SLC25A10: variants seen among roughly 807,000 people sequenced by gnomAD.
The protein encoded by SLC25A10 is mitochondrial dicarboxylate carrier.
In SLC25A10, 32 loss-of-function variants were observed where a neutral mutation model predicts 40.4. The ratio of observed to expected loss-of-function variants is 0.79; its 90% CI spans 0.60 to 1.06. The LOEUF (loss-of-function observed/expected upper bound fraction) is 1.06, where lower values mean the gene tolerates loss of function less well. Among genes scored for constraint, SLC25A10 ranks in the 50% least tolerant of loss-of-function variants. The pLI is 0.00. For missense variants in SLC25A10, 394 were observed against 402.6 expected, an observed-to-expected ratio of 0.98 and a Z score of 0.18; for synonymous variants, 181 against 171.1, an observed-to-expected ratio of 1.06 and a Z score of -0.45.
rs888786824 is a variant in SLC25A10 at position 81,712,319 on chromosome 17, G to T, written c.-108G>T. On this transcript the variant is annotated 5_prime_UTR_variant, in exon 1 of 11. Transcript: ENST00000350690. ...TGCGGGGTGCGGGCGCGCGGGCGGC[G>T]CTTTGAACCGGGCGCGGGGCGCGGG... 3 of 734,998 alleles carry T rather than the reference G, an allele frequency of 4.1e-6. No individual in the cohort carries two copies. Among genetic ancestry groups the T allele is most frequent in the South Asian group, 1.3e-4 (2 of 15,556 alleles). 45.5% of individuals were successfully genotyped at this position (734,998 alleles called of 1,614,324 possible).
Position 81,719,838 on chromosome 17 carries a change from TC to T in SLC25A10, c.715del (p.His239ThrfsTer101). The T allele has an allele frequency of 6.2e-7, 1 of 1,613,340 alleles. No individual in the cohort carries two copies. The highest frequency in any genetic ancestry group is 8.5e-7 in the Non-Finnish European group (1 of 1,179,920). On this transcript the variant is annotated frameshift_variant, in exon 10 of 11. Transcript: ENST00000350690. LOFTEE classifies it high-confidence loss of function. Reference protein sequence around the residue: ...MNSKGEYQGVFHCAVETAKLG... With the variant: ...MNSKGEYQGVXHCAVETAKLG... ...TCACTGCGTTTTCTGCAGGGCGTTT[TC>T]CACTGCGCCGTGGAGACAGCGAAGC... is the stretch of plus-strand genomic sequence containing the variant.
Position 81,712,340 on chromosome 17 carries a change from G to A in SLC25A10, c.-87G>A, listed in dbSNP as rs1403427909. 6 of 915,930 alleles carry A rather than the reference G, an allele frequency of 6.6e-6. No individual in the cohort carries two copies. Among genetic ancestry groups the A allele is most frequent in the Non-Finnish European group, 8.4e-6 (6 of 715,146 alleles). The allele number at this position is 915,930 out of a possible 1,614,324, so 56.7% of individuals were successfully genotyped here. On this transcript the variant is annotated 5_prime_UTR_variant, in exon 1 of 11. Coordinates refer to ENST00000350690, the MANE Select transcript of SLC25A10 (RefSeq NM_012140.5). ...CGGCGCTTTGAACCGGGCGCGGGGC[G>A]CGGGGCGCGGGGCGCTGCGGCCGGT...
At chr17:81,714,441 C>T (rs1371990545) in intron 1 of SLC25A10, among the ~76,000 whole-genome samples, 2 of 152,234 alleles carry the variant, frequency 1.3e-5, no homozygotes, top group East Asian at 3.8e-4. Flanking sequence ...CCACACCGTC[C>T]CCTTGTCTGC....
At chr17:81,717,668 G>T in intron 8 of SLC25A10, 116 bp from the exon 9 acceptor site, 1 of 1,356,422 alleles carries the variant, frequency 7.4e-7, no homozygotes, top group Non-Finnish European at 1.0e-6. Context: ...TGGTGCCCCC[G>T]CCAGCATGTT....
intron 6 of SLC25A10, 72 bp downstream of exon 6, chr17:81,716,927 G>C: frequency 6.2e-7 from 1 of 1,604,900 alleles, no homozygotes; most frequent in Non-Finnish European, 8.5e-7. Context: ...TAGAAGACTG[G>C]GCGCTGAGGG....
Position 81,712,504 on chromosome 17 carries a change from G to T in SLC25A10, c.78G>T (p.Pro26=), listed in dbSNP as rs896469298. 4 of 1,287,976 alleles carry T rather than the reference G, an allele frequency of 3.1e-6. No individual in the cohort carries two copies. Among genetic ancestry groups the T allele is most frequent in the African/African-American group, 3.1e-5 (2 of 64,670 alleles). The allele number at this position is 1,287,976 out of a possible 1,614,324, so 79.8% of individuals were successfully genotyped here. A position where few individuals can be genotyped will look rare whatever the true frequency, so the allele number is the denominator to read the frequency against. The part of the protein sequence containing the change: ...ASCGAACCTH[P]LDLLKVHLQT... ...GCGGGGCCGCCTGCTGCACGCACCC[G>T]CTGGACCTGCTCAAGGTGAGGCCGG... The change falls in exon 1 of 11, where the codon CCG becomes CCT. Residue 26 remains proline (P), a synonymous_variant. Coordinates refer to ENST00000350690, the MANE Select transcript of SLC25A10 (RefSeq NM_012140.5).
chr17:81,715,417 G>T, intron 2 of SLC25A10, 61 bp from the exon 3 acceptor site: 1 of 1,433,462 alleles, frequency 7.0e-7, no homozygotes, highest in African/African-American at 1.4e-5. Flanking sequence ...GCTGGGCCGG[G>T]TGGCGAGGCT....
Position 81,716,807 on chromosome 17 carries a change from G to A in SLC25A10, c.420-5G>A, listed in dbSNP as rs751255302. ...TCTCATGTGGTCATTCTGTGTCCCC[G>A]GCAGCTACGCCCATGCGCTGGATGG... is the stretch of plus-strand genomic sequence containing the variant. On this transcript the variant is annotated splice_region_variant and splice_polypyrimidine_tract_variant and intron_variant, in intron 5 of 10. Coordinates refer to ENST00000350690, the MANE Select transcript of SLC25A10 (RefSeq NM_012140.5). 20 of 1,606,118 alleles carry A rather than the reference G, an allele frequency of 1.2e-5. No homozygotes were observed. Among genetic ancestry groups the A allele is most frequent in the South Asian group, 2.2e-5 (2 of 89,516 alleles).
rs538203818 is a variant in SLC25A10, at chr17:81,720,347, G to C, written c.*270G>C. Reference sequence around the variant, plus strand: ...CCCCTCTCCCGCTGGCAGCTCCTCAGGGGAACAGGGGCTACCAGAGGCTGA... The same window carrying C: ...CCCCTCTCCCGCTGGCAGCTCCTCACGGGAACAGGGGCTACCAGAGGCTGA... On this transcript the variant is annotated 3_prime_UTR_variant, in exon 11 of 11. Coordinates refer to ENST00000350690, the MANE Select transcript of SLC25A10 (RefSeq NM_012140.5). 74 of 1,421,046 alleles carry C rather than the reference G, an allele frequency of 5.2e-5. 1 individual carries two copies. The South Asian group carries it at 1.1e-3, about 20-fold the overall frequency. 88.0% of individuals were successfully genotyped at this position (1,421,046 alleles called of 1,614,324 possible).
At chr17:81,714,442 C>G (rs1225910748) in intron 1 of SLC25A10, among the ~76,000 whole-genome samples, 1 of 152,240 alleles carries the variant, frequency 6.6e-6, no homozygotes, top group Non-Finnish European at 1.5e-5. Flanking sequence ...CACACCGTCC[C>G]CTTGTCTGCT....
chr17:81,716,018 C>T lies in SLC25A10; in HGVS notation c.387C>T (p.Asn129=), dbSNP rs766399714. ...CCTGCTTCTGTTTCAGGATGCAGAA[C>T]GACGTGAAGCTGCCCCAGGGTCAGC... ...PADLVNVRMQ[N]DVKLPQGQRR... The change falls in exon 5 of 11, where the codon AAC becomes AAT. Residue 129 remains asparagine (N), a synonymous_variant. Coordinates refer to ENST00000350690, the MANE Select transcript of SLC25A10 (RefSeq NM_012140.5). The T allele has an allele frequency of 1.1e-5, 17 of 1,591,436 alleles. No homozygotes were observed. The highest frequency in any genetic ancestry group is 6.8e-5 in the East Asian group (3 of 43,944).
intron 8 of SLC25A10, 122 bp from the exon 9 acceptor site, chr17:81,717,662 G>T: frequency 1.5e-6 from 2 of 1,321,452 alleles, no homozygotes; most frequent in Non-Finnish European, 2.1e-6. Context: ...TCAGCCTGGT[G>T]CCCCCGCCAG....
chr17:81,712,378 A>AGGGCCGGGGTCGGGTTGTGGTC lies in SLC25A10; in HGVS notation c.-40_-19dup. The AGGGCCGGGGTCGGGTTGTGGTC allele has an allele frequency of 8.7e-7, 1 of 1,145,932 alleles. No individual in the cohort carries two copies. Among genetic ancestry groups the AGGGCCGGGGTCGGGTTGTGGTC allele is most frequent in the Non-Finnish European group, 1.1e-6 (1 of 910,338 alleles). The allele number at this position is 1,145,932 out of a possible 1,614,324, so 71.0% of individuals were successfully genotyped here. A position where few individuals can be genotyped will look rare whatever the true frequency, so the allele number is the denominator to read the frequency against. On this transcript the variant is annotated 5_prime_UTR_variant, in exon 1 of 11. Transcript: ENST00000350690. ...CGCTGCGGCCGGTACACGCCGGGGT[A>AGGGCCGGGGTCGGGTTGTGGTC]GGGCCGGGGTCGGGTTGTGGTCGGG...
intron 1 of SLC25A10, among the ~76,000 whole-genome samples, chr17:81,714,113 C>G (rs763314847): frequency 9.2e-5 from 14 of 152,250 alleles, no homozygotes; most frequent in Non-Finnish European, 1.9e-4. Flanking sequence ...TCTGTCCCCA[C>G]CCATCTTTGC....
chr17:81,718,288 A>G (rs1349183777), intron 9 of SLC25A10, among the ~76,000 whole-genome samples: 3 of 152,130 alleles, frequency 2.0e-5, no homozygotes, highest in Non-Finnish European at 2.9e-5. Context: ...GTTCAAGACC[A>G]GCCTGGCCAA....
chr17:81,717,520 G>A (rs377435510), intron 8 of SLC25A10, 29 bp downstream of exon 8: 22 of 1,610,642 alleles, frequency 1.4e-5, no homozygotes, highest in Admixed American at 3.3e-5. Context: ...TAGGGTGGGC[G>A]TCCCTGGGCC....
At chr17:81,717,114 C>A in intron 7 of SLC25A10, 42 bp downstream of exon 7, 1 of 1,579,426 alleles carries the variant, frequency 6.3e-7, no homozygotes, top group Non-Finnish European at 8.7e-7. Flanking sequence ...GTGCCTGTGA[C>A]CACTGACCTC....
Position 81,712,529 on chromosome 17 carries a change from G to A in SLC25A10, c.93+10G>A, listed in dbSNP as rs2037402828. 1.6e-6 allele frequency: 2 copies of A among 1,240,148 alleles called. No individual in the cohort carries two copies. Among genetic ancestry groups the A allele is most frequent in the African/African-American group, 3.1e-5 (2 of 64,036 alleles). 76.8% of individuals were successfully genotyped at this position (1,240,148 alleles called of 1,614,324 possible). On this transcript the variant is annotated intron_variant, in intron 1 of 10. Coordinates refer to ENST00000350690, the MANE Select transcript of SLC25A10 (RefSeq NM_012140.5). ...GCTGGACCTGCTCAAGGTGAGGCCG[G>A]GGCCCGGGACGCGGGGCGGATGGGA...
chr17:81,717,949 C>G (rs1379104914), intron 9 of SLC25A10, 88 bp downstream of exon 9: 2 of 996,492 alleles, frequency 2.0e-6, no homozygotes, highest in South Asian at 1.4e-5. Context: ...CACTGGGGAC[C>G]CGGGGAAGGG....
Sources: gnomAD v4.1 joint callset for allele counts (sites outside exome capture counted in the v4.1 genomes callset) on GRCh38, gnomAD v4.1.1 for gene constraint, MANE v1.5 for transcripts, NCBI Gene and HGNC (gene_info 2026-07-23, HGNC 2026-07-21) for gene names.